RETREG1: variants seen among roughly 807,000 people sequenced by gnomAD.
RETREG1 encodes family with sequence similarity 134 member B.
Under a neutral mutation model 54.8 loss-of-function variants are expected in RETREG1, and 44 were observed. That is an observed-to-expected ratio of 0.80 (90% CI 0.63 to 1.03). RETREG1 has a LOEUF of 1.03. RETREG1 is among the 50% of genes least tolerant of loss of function. The pLI is 0.00. For synonymous variants in RETREG1, 217 were observed against 238.5 expected, an observed-to-expected ratio of 0.91 and a Z score of 0.83; for missense variants, 554 against 605.1, an observed-to-expected ratio of 0.92 and a Z score of 0.89.
chr5:16,507,902 C>A (rs918913648), intron 3 of RETREG1, among the ~76,000 whole-genome samples: 1 of 152,214 alleles, frequency 6.6e-6, no homozygotes, highest in African/African-American at 2.4e-5. Context: ...AGGCATCTAA[C>A]TGACTCATAC....
At chr5:16,602,002 A>T (rs1439210543) in intron 1 of RETREG1, among the ~76,000 whole-genome samples, 1 of 152,174 alleles carries the variant, frequency 6.6e-6, no homozygotes, top group Non-Finnish European at 1.5e-5. Context: ...CCAGAACTCT[A>T]AATCAAGCCA....
intron 2 of RETREG1, among the ~76,000 whole-genome samples, chr5:16,567,772 C>T (rs564310335): frequency 6.6e-6 from 1 of 152,154 alleles, no homozygotes; most frequent in African/African-American, 2.4e-5. Flanking sequence ...GCCTGGGTAA[C>T]ACAGCAAGAC....
intron 5 of RETREG1, among the ~76,000 whole-genome samples, chr5:16,480,181 C>T (rs1738705537): frequency 6.6e-6 from 1 of 152,018 alleles, no homozygotes; most frequent in South Asian, 2.1e-4. Context: ...CAGGCAACCA[C>T]TGACCTGCTT....
intron 3 of RETREG1, among the ~76,000 whole-genome samples, chr5:16,558,864 T>C (rs539586713): frequency 6.6e-6 from 1 of 152,348 alleles, no homozygotes; most frequent in East Asian, 1.9e-4. Flanking sequence ...CCAGGCAAGT[T>C]TGAGATAAAG....
rs112570495 is a variant in RETREG1 at position 16,491,329 on chromosome 5, T to C, written c.459-7857A>G. On this transcript the variant is annotated intron_variant, in intron 3 of 8. Transcript: ENST00000306320. The stretch of plus-strand genomic sequence containing the variant: ...CAGGGCAACTATGAATTGCAATTAA[T>C]TTATGACATTTGTAACACTGACTCC... Among the ~76,000 whole-genome samples, 775 of 152,348 alleles carry C rather than the reference T, an allele frequency of 5.1e-3. 11 individuals carry two copies. Among genetic ancestry groups the C allele is most frequent in the African/African-American group, 0.017 (713 of 41,582 alleles).
In RETREG1 at chr5:16,510,823, A is replaced by C. The variant is rs1295771141; in HGVS notation, c.459-27351T>G. On this transcript the variant is annotated intron_variant, in intron 3 of 8. Transcript: ENST00000306320. ...AACAAGAACAACAACAACAACAAAA[A>C]AAAAAAAAAAAAAAAAAAACCTAAT... 1.2e-3 allele frequency among the ~76,000 whole-genome samples: 179 copies of C among 149,750 alleles called. 1 individual carries two copies. Among genetic ancestry groups the C allele is most frequent in the South Asian group, 2.5e-3 (12 of 4,752 alleles).
rs144788272 is a variant in RETREG1 at position 16,475,908 on chromosome 5, C to A, written c.1001-674G>T. 5.9e-5 allele frequency among the ~76,000 whole-genome samples: 9 copies of A among 152,224 alleles called. No homozygotes were observed. In the South Asian group the frequency reaches 6.2e-4, roughly 11 times the overall value. On this transcript the variant is annotated intron_variant, in intron 8 of 8. Coordinates refer to ENST00000306320, the MANE Select transcript of RETREG1 (RefSeq NM_001034850.3). Reference sequence around the variant, plus strand: ...ATTGTTTTTACCTTTCATATAAAATCTTTTAATATAACAGTTAACTCCCTG... The same window carrying A: ...ATTGTTTTTACCTTTCATATAAAATATTTTAATATAACAGTTAACTCCCTG...
Position 16,500,658 on chromosome 5 carries a change from T to G in RETREG1, c.459-17186A>C, listed in dbSNP as rs79495007. On this transcript the variant is annotated intron_variant, in intron 3 of 8. Coordinates refer to ENST00000306320, the MANE Select transcript of RETREG1 (RefSeq NM_001034850.3). ...TATGGATGTCCTGAGCCTGAAATTCTCCGTGTGGGTACTCATCTCTCTATA... is the reference window on the plus strand; with the variant it reads ...TATGGATGTCCTGAGCCTGAAATTCGCCGTGTGGGTACTCATCTCTCTATA... Among the ~76,000 whole-genome samples, 1,147 of 152,282 alleles carry G rather than the reference T, an allele frequency of 7.5e-3. 18 individuals are homozygous for G. The highest frequency in any genetic ancestry group is 0.026 in the African/African-American group (1,094 of 41,568).
Position 16,536,984 on chromosome 5 carries a change from C to G in RETREG1, c.458+28779G>C, listed in dbSNP as rs144768271. Among the ~76,000 whole-genome samples, 58 of 152,286 alleles carry G rather than the reference C, an allele frequency of 3.8e-4. No individual in the cohort carries two copies. The East Asian group carries it at 8.3e-3, about 22-fold the overall frequency. On this transcript the variant is annotated intron_variant, in intron 3 of 8. Transcript: ENST00000306320. ...AGCTCCCATCGTCAGAGAGTTCACA[C>G]AAAAGGTCCAGTGTCAGCTGACTTC...
At chr5:16,576,441 C>T (rs1160562041) in intron 1 of RETREG1, among the ~76,000 whole-genome samples, 3 of 150,898 alleles carry the variant, frequency 2.0e-5, no homozygotes, top group East Asian at 3.9e-4. Flanking sequence ...TACAGGTGCA[C>T]GCCACCATGC....
At chr5:16,534,124 T>C (rs1351049512) in intron 3 of RETREG1, among the ~76,000 whole-genome samples, 1 of 151,634 alleles carries the variant, frequency 6.6e-6, no homozygotes, top group East Asian at 1.9e-4. Flanking sequence ...TTTCCCTACA[T>C]CCACAATTTA....
intron 3 of RETREG1, among the ~76,000 whole-genome samples, chr5:16,545,223 T>TTCCTCATTC (rs1741353121): frequency 6.6e-6 from 1 of 152,160 alleles, no homozygotes; most frequent in East Asian, 1.9e-4. Context: ...ATTCTTGCAA[T>TTCCTCATTC]GTGATGAAAA....
intron 3 of RETREG1, among the ~76,000 whole-genome samples, chr5:16,538,405 G>A (rs1741135907): frequency 6.6e-6 from 1 of 152,168 alleles, no homozygotes; most frequent in African/African-American, 2.4e-5. Context: ...GAAGATAACA[G>A]ATAATAATGA....
intron 3 of RETREG1, among the ~76,000 whole-genome samples, chr5:16,551,540 T>C (rs1015931426): frequency 1.3e-5 from 2 of 152,182 alleles, no homozygotes; most frequent in Admixed American, 6.5e-5. Context: ...GGCCCATTCT[T>C]GGCTCCCTCC....
chr5:16,514,900 CAT>C (rs61346860), intron 3 of RETREG1, among the ~76,000 whole-genome samples: 1 of 144,126 alleles, frequency 6.9e-6, no homozygotes, highest in Admixed American at 7.0e-5. Context: ...CCATGGCATG[CAT>C]ATATATATAT....
rs144637197 is a variant in RETREG1 at position 16,565,375 on chromosome 5, G to A, written c.458+388C>T. ...TGAACTGACAGCATGGCTAACCCTC[G>A]GGAACATTCCAGCAGCCTTCTCCAA... is the stretch of plus-strand genomic sequence containing the variant. On this transcript the variant is annotated intron_variant, in intron 3 of 8. Coordinates refer to ENST00000306320, the MANE Select transcript of RETREG1 (RefSeq NM_001034850.3). Among the ~76,000 whole-genome samples the A allele has an allele frequency of 8.5e-3, 1,298 of 152,122 alleles. 9 individuals carry two copies. The highest frequency in any genetic ancestry group is 0.014 in the Non-Finnish European group (976 of 68,014).
intron 3 of RETREG1, among the ~76,000 whole-genome samples, chr5:16,490,778 C>T (rs901364203): frequency 1.3e-5 from 2 of 152,206 alleles, no homozygotes; most frequent in African/African-American, 4.8e-5. Flanking sequence ...AAAAAACACT[C>T]TCCGGATTGG....
rs1742216330 is a variant in RETREG1 at position 16,572,883 on chromosome 5, T to C, written c.321-781A>G. 2.0e-5 allele frequency among the ~76,000 whole-genome samples: 3 copies of C among 152,038 alleles called. No individual in the cohort carries two copies. In the South Asian group the frequency reaches 6.2e-4, roughly 32 times the overall value. ...TTCTCTAACTACTCCCACCCTCGTC[T>C]CTTAAAAACAGCAGTTATTGGCCGG... On this transcript the variant is annotated intron_variant, in intron 1 of 8. Coordinates refer to ENST00000306320, the MANE Select transcript of RETREG1 (RefSeq NM_001034850.3).
At chr5:16,543,239 C>T (rs1256515264) in intron 3 of RETREG1, among the ~76,000 whole-genome samples, 1 of 152,214 alleles carries the variant, frequency 6.6e-6, no homozygotes, top group Admixed American at 6.5e-5. Flanking sequence ...GCACTCACCT[C>T]TGCTGACAGA....
Sources: gnomAD v4.1 joint callset for allele counts (sites outside exome capture counted in the v4.1 genomes callset) on GRCh38, gnomAD v4.1.1 for gene constraint, MANE v1.5 for transcripts, NCBI Gene and HGNC (gene_info 2026-07-23, HGNC 2026-07-21) for gene names.